FOXP2: variants seen among roughly 807,000 people sequenced by gnomAD.
The protein encoded by FOXP2 is forkhead box protein P2.
FOXP2 carries 12 observed loss-of-function variants against 115.8 expected under a neutral mutation model. The observed-to-expected ratio is 0.10, with a 90% confidence interval of 0.07 to 0.17. The LOEUF (loss-of-function observed/expected upper bound fraction) is 0.17. Among genes scored for constraint, FOXP2 ranks in the 10% least tolerant of loss-of-function variants. FOXP2 has a pLI of 1.00. For missense variants in FOXP2, 629 were observed against 843.5 expected (o/e 0.75, Z 3.15); for synonymous variants, 328 against 297.7 (o/e 1.10, Z -1.05).
intron 2 of FOXP2, among the ~76,000 whole-genome samples, chr7:114,512,911 G>A (rs1000294707): frequency 6.6e-6 from 1 of 151,898 alleles, no homozygotes; most frequent in African/African-American, 2.4e-5. Context: ...GTGAAACCCC[G>A]TTTCTACCAA....
At chr7:114,415,448 G>T in intron 1 of FOXP2, 88 bp downstream of exon 1, 1 of 362,530 alleles carries the variant, frequency 2.8e-6, no homozygotes, top group Non-Finnish European at 5.3e-6. Context: ...TTTGGCAATT[G>T]CTTTACTTTT....
At chr7:114,461,125 T>C (rs927927097) in intron 2 of FOXP2, among the ~76,000 whole-genome samples, 5 of 152,310 alleles carry the variant, frequency 3.3e-5, no homozygotes, top group African/African-American at 1.2e-4. Flanking sequence ...TCTCTGCAAA[T>C]GCTGAAGTAT....
At chr7:114,261,689 T>A (rs907609436) in intron 1 of FOXP2, among the ~76,000 whole-genome samples, 1 of 152,170 alleles carries the variant, frequency 6.6e-6, no homozygotes, top group African/African-American at 2.4e-5. Context: ...CAATTATATA[T>A]GTGAGGTGAT....
At chr7:114,203,993 T>C (rs1349162299) in intron 1 of FOXP2, among the ~76,000 whole-genome samples, 1 of 152,136 alleles carries the variant, frequency 6.6e-6, no homozygotes, top group Non-Finnish European at 1.5e-5. Flanking sequence ...TTTAAAAAAA[T>C]CCACTTCCTC....
chr7:114,208,739 G>A (rs1794265676), intron 1 of FOXP2, among the ~76,000 whole-genome samples: 1 of 152,002 alleles, frequency 6.6e-6, no homozygotes, highest in African/African-American at 2.4e-5. Flanking sequence ...CATGAGATCT[G>A]GTGGCTTTAT....
rs951387055 is a variant in FOXP2, at chr7:114,516,257, A to C, written c.169-18360A>C. ...ACAGAGCCCTCAGAAATAATGCCGC[A>C]TATCTACAACCATCTGATCTTTGAC... On this transcript the variant is annotated intron_variant, in intron 2 of 16. Transcript: ENST00000350908. Among the ~76,000 whole-genome samples the C allele has an allele frequency of 2.0e-5, 3 of 152,172 alleles. No individual in the cohort carries two copies. In the East Asian group the frequency reaches 5.8e-4, roughly 29 times the overall value.
intron 3 of FOXP2, among the ~76,000 whole-genome samples, chr7:114,598,346 C>T (rs1165996721): frequency 6.6e-6 from 1 of 152,038 alleles, no homozygotes; most frequent in East Asian, 1.9e-4. Context: ...TACACAAAAG[C>T]TATTATTAAA....
chr7:114,466,167 C>T (rs1795790220), intron 2 of FOXP2, among the ~76,000 whole-genome samples: 1 of 152,154 alleles, frequency 6.6e-6, no homozygotes, highest in African/African-American at 2.4e-5. Flanking sequence ...CAGTTCCTCA[C>T]CTATGGCCAC....
At position 114,580,663 on chromosome 7, in the gene FOXP2, A is replaced by G. The variant is rs77544701; in HGVS notation, c.258+45957A>G. 2.6e-5 allele frequency among the ~76,000 whole-genome samples: 4 copies of G among 152,296 alleles called. No homozygotes were observed. In the East Asian group the frequency reaches 7.7e-4, roughly 29 times the overall value. On this transcript the variant is annotated intron_variant, in intron 3 of 16. Coordinates refer to ENST00000350908, the MANE Select transcript of FOXP2 (RefSeq NM_014491.4). ...CGACTTGATTTTTAAAAGCATGTTG[A>G]CAATTAGAAAAACAAGAAATTGAGA...
At chr7:114,570,320 A>C (rs886284525) in intron 3 of FOXP2, among the ~76,000 whole-genome samples, 5 of 151,912 alleles carry the variant, frequency 3.3e-5, no homozygotes, top group Non-Finnish European at 7.4e-5. Flanking sequence ...TTATTTAAAT[A>C]AATTATTGTG....
intron 8 of FOXP2, among the ~76,000 whole-genome samples, chr7:114,647,103 G>A (rs1805956063): frequency 6.6e-6 from 1 of 151,814 alleles, no homozygotes; most frequent in African/African-American, 2.4e-5. Flanking sequence ...GTATACGCTA[G>A]AAATAAATTT....
chr7:114,582,473 C>T (rs774862482), intron 3 of FOXP2, among the ~76,000 whole-genome samples: 19 of 152,132 alleles, frequency 1.2e-4, no homozygotes, highest in South Asian at 1.2e-3. Context: ...CAGCTTTACT[C>T]TCACCATATT....
intron 1 of FOXP2, among the ~76,000 whole-genome samples, chr7:114,098,531 T>C (rs904781044): frequency 6.6e-6 from 1 of 152,150 alleles, no homozygotes; most frequent in Non-Finnish European, 1.5e-5. Context: ...TGCAAAAGAA[T>C]GAAATTGGAC....
chr7:114,094,099 T>G (rs948657602), intron 1 of FOXP2, among the ~76,000 whole-genome samples: 1 of 152,170 alleles, frequency 6.6e-6, no homozygotes, highest in African/African-American at 2.4e-5. Flanking sequence ...TAACCACATT[T>G]AGATGACTTT....
intron 1 of FOXP2, among the ~76,000 whole-genome samples, chr7:114,119,156 A>G (rs1010688614): frequency 6.6e-6 from 1 of 152,182 alleles, no homozygotes; most frequent in African/African-American, 2.4e-5. Flanking sequence ...TTATTAAAAT[A>G]CAGCATCCAT....
chr7:114,239,565 C>T lies in FOXP2; in HGVS notation c.-101-48454C>T, dbSNP rs538985593. Among the ~76,000 whole-genome samples, 7 of 152,244 alleles carry T rather than the reference C, an allele frequency of 4.6e-5. No homozygotes were observed. The South Asian group carries it at 1.5e-3, about 32-fold the overall frequency. ...GCTTTGTTGGGATTAAGTTGGAAGA[C>T]AGTTGGTTTTAGCTCTGCCTTCACC... is the stretch of plus-strand genomic sequence containing the variant. On this transcript the variant is annotated intron_variant, in intron 1 of 17. Coordinates refer to the FOXP2 transcript ENST00000634411.
At chr7:114,477,406 A>G (rs575106582) in intron 2 of FOXP2, among the ~76,000 whole-genome samples, 54 of 152,146 alleles carry the variant, frequency 3.5e-4, no homozygotes, top group Middle Eastern at 3.4e-3. Flanking sequence ...ACACAGCAAC[A>G]GAAAACTAAA....
At chr7:114,257,689 G>A (rs1795656564) in intron 1 of FOXP2, among the ~76,000 whole-genome samples, 1 of 152,094 alleles carries the variant, frequency 6.6e-6, no homozygotes, top group Non-Finnish European at 1.5e-5. Flanking sequence ...TCCTGACCTT[G>A]TGATCCACCA....
intron 1 of FOXP2, among the ~76,000 whole-genome samples, chr7:114,142,718 C>T (rs933101947): frequency 7.9e-5 from 12 of 152,138 alleles, no homozygotes; most frequent in Non-Finnish European, 1.6e-4. Flanking sequence ...TGTTCCTCTT[C>T]CTTTCTCCAT....
Sources: allele counts gnomAD v4.1 joint callset (sites outside exome capture counted in the v4.1 genomes callset), GRCh38; gene constraint gnomAD v4.1.1; transcripts MANE v1.5; gene names NCBI Gene and HGNC (gene_info 2026-07-23, HGNC 2026-07-21).